The following DLG2 variants were observed in gnomAD, a reference collection of about 807,000 sequenced individuals.
The protein encoded by DLG2 is disks large homolog 2.
In DLG2, 45 loss-of-function variants were observed where a neutral mutation model predicts 132.5. That is an observed-to-expected ratio of 0.34 (90% CI 0.27 to 0.44). The LOEUF (loss-of-function observed/expected upper bound fraction) is 0.44. DLG2 is among the 20% of genes least tolerant of loss of function. The pLI, the probability that DLG2 is intolerant of heterozygous loss-of-function variation, is 1.00. For missense variants in DLG2, 1,045 were observed against 1,196.9 expected, an observed-to-expected ratio of 0.87 and a Z score of 1.87; for synonymous variants, 424 against 419.6, an observed-to-expected ratio of 1.01 and a Z score of -0.13.
intron 7 of DLG2, chr11:84,273,000 A>G: frequency 6.7e-6 from 4 of 598,360 alleles, no homozygotes; most frequent in Non-Finnish European, 1.0e-5. Context: ...TACAGAGAAA[A>G]ACCATATATT....
chr11:84,196,333 A>G (rs1318006215), intron 8 of DLG2, among the ~76,000 whole-genome samples: 1 of 152,208 alleles, frequency 6.6e-6, no homozygotes, highest in Non-Finnish European at 1.5e-5. Flanking sequence ...GAACTGGACT[A>G]CCACAGATGG....
intron 4 of DLG2, among the ~76,000 whole-genome samples, chr11:85,267,746 T>C (rs1382099503): frequency 6.6e-6 from 1 of 152,222 alleles, no homozygotes; most frequent in African/African-American, 2.4e-5. Context: ...AAAATATACA[T>C]AATTCTTTTT....
chr11:85,605,329 A>G (rs947134294), intron 2 of DLG2, among the ~76,000 whole-genome samples: 1 of 151,392 alleles, frequency 6.6e-6, no homozygotes, highest in East Asian at 1.9e-4. Flanking sequence ...AATGGAGATG[A>G]GCATATTTTT....
intron 9 of DLG2, among the ~76,000 whole-genome samples, chr11:84,102,078 A>G (rs925915915): frequency 6.6e-6 from 1 of 152,094 alleles, no homozygotes; most frequent in Admixed American, 6.6e-5. Context: ...CTTCTTGACT[A>G]TTTCAATTCT....
chr11:84,711,427 C>A (rs2060440525), intron 6 of DLG2, among the ~76,000 whole-genome samples: 2 of 138,800 alleles, frequency 1.4e-5, no homozygotes, highest in Admixed American at 1.5e-4. Flanking sequence ...CCACCCCCCA[C>A]ACACATATGA....
chr11:83,587,407 C>T (rs1018960721), intron 19 of DLG2, among the ~76,000 whole-genome samples: 1 of 151,986 alleles, frequency 6.6e-6, no homozygotes, highest in Non-Finnish European at 1.5e-5. Context: ...GTAGCTGGGA[C>T]CACAGGTGCA....
chr11:85,407,840 C>A (rs923924973), intron 3 of DLG2, among the ~76,000 whole-genome samples: 27 of 151,754 alleles, frequency 1.8e-4, no homozygotes, highest in African/African-American at 6.5e-4. Context: ...TTTCCATGTA[C>A]TCCAGTCTGT....
intron 18 of DLG2, among the ~76,000 whole-genome samples, chr11:83,765,298 A>C (rs1244747303): frequency 6.6e-6 from 1 of 152,232 alleles, no homozygotes; most frequent in East Asian, 1.9e-4. Context: ...TTAAAAACAA[A>C]TACTTTAAGA....
chr11:83,507,051 T>A (rs188285863), intron 21 of DLG2, among the ~76,000 whole-genome samples: 277 of 152,306 alleles, frequency 1.8e-3, no homozygotes, highest in Non-Finnish European at 2.9e-3. Context: ...CTACTGAACT[T>A]AGGAGCAACC....
At chr11:84,296,276 C>A (rs1288975840) in intron 7 of DLG2, among the ~76,000 whole-genome samples, 1 of 150,942 alleles carries the variant, frequency 6.6e-6, no homozygotes, top group African/African-American at 2.4e-5. Flanking sequence ...TTAGAATGAA[C>A]AACAGACACA....
chr11:84,227,933 T>A (rs10751111), intron 8 of DLG2, among the ~76,000 whole-genome samples: 96,599 of 137,740 alleles, frequency 0.7, 33,616 homozygotes, highest in Middle Eastern at 0.81. Flanking sequence ...AAAAAAAAAA[T>A]GTATGTTGAC....
At chr11:83,578,345 A>G (rs1159506243) in intron 19 of DLG2, among the ~76,000 whole-genome samples, 1 of 151,936 alleles carries the variant, frequency 6.6e-6, no homozygotes, top group Non-Finnish European at 1.5e-5. Flanking sequence ...CCAAACAGAC[A>G]TGCAAAGAGA....
intron 6 of DLG2, among the ~76,000 whole-genome samples, chr11:85,060,915 T>C (rs1460476643): frequency 6.6e-6 from 1 of 151,424 alleles, no homozygotes; most frequent in African/African-American, 2.4e-5. Flanking sequence ...TTTTGTTTTG[T>C]TTTTTAATGG....
rs557526880 is a variant in DLG2, at chr11:85,074,583, CAGA to C, written c.357+37075_357+37077del. Among the ~76,000 whole-genome samples, 254 of 151,946 alleles carry C rather than the reference CAGA, an allele frequency of 1.7e-3. 1 individual carries two copies. The highest frequency in any genetic ancestry group is 2.7e-3 in the Non-Finnish European group (184 of 67,888). On this transcript the variant is annotated intron_variant, in intron 6 of 27. Coordinates refer to ENST00000376104, the MANE Select transcript of DLG2 (RefSeq NM_001142699.3). ...CTGTAAAAACTTGGGCCATAAACAACAGAAGATCATTTCTGTTAACAGTAGAAG... is the reference window on the plus strand; with the variant it reads ...CTGTAAAAACTTGGGCCATAAACAACAGATCATTTCTGTTAACAGTAGAAG...
At chr11:85,202,486 T>C (rs750020181) in intron 4 of DLG2, among the ~76,000 whole-genome samples, 2 of 152,108 alleles carry the variant, frequency 1.3e-5, no homozygotes, top group Non-Finnish European at 2.9e-5. Context: ...GGACAGATCA[T>C]CCAGATAGAA....
intron 7 of DLG2, among the ~76,000 whole-genome samples, chr11:84,263,241 T>C (rs2097570201): frequency 6.6e-6 from 1 of 152,156 alleles, no homozygotes; most frequent in Non-Finnish European, 1.5e-5. Context: ...AAAGCAAGGA[T>C]GCTGTATAAC....
At chr11:84,975,967 A>G (rs1285695141) in intron 6 of DLG2, among the ~76,000 whole-genome samples, 2 of 151,952 alleles carry the variant, frequency 1.3e-5, no homozygotes, top group Non-Finnish European at 2.9e-5. Context: ...TTCATTCCTC[A>G]CTTTCTTGGC....
chr11:84,722,519 T>C (rs1296918345), intron 6 of DLG2, among the ~76,000 whole-genome samples: 2 of 152,158 alleles, frequency 1.3e-5, no homozygotes, highest in Non-Finnish European at 2.9e-5. Context: ...CCCAAGTTAA[T>C]AGAAAATAAA....
chr11:83,644,079 A>T (rs538685303), intron 18 of DLG2, among the ~76,000 whole-genome samples: 1 of 152,290 alleles, frequency 6.6e-6, no homozygotes, highest in African/African-American at 2.4e-5. Flanking sequence ...ATACTGCTCA[A>T]ATGAAAGCTT....
Sources: gnomAD v4.1 joint callset for allele counts (sites outside exome capture counted in the v4.1 genomes callset) on GRCh38, gnomAD v4.1.1 for gene constraint, MANE v1.5 for transcripts, NCBI Gene and HGNC (gene_info 2026-07-23, HGNC 2026-07-21) for gene names.